The following PLCE1 variants were observed in gnomAD, a reference collection of about 807,000 sequenced individuals.
PLCE1 encodes the protein 1-phosphatidylinositol 4,5-bisphosphate phosphodiesterase epsilon-1.
Under a neutral mutation model 242.8 loss-of-function variants are expected in PLCE1, and 119 were observed. The ratio of observed to expected loss-of-function variants is 0.49; its 90% confidence interval spans 0.42 to 0.57. The LOEUF is 0.57. PLCE1 is among the 20% of genes least tolerant of loss of function. The pLI, the probability that PLCE1 is intolerant of heterozygous loss-of-function variation, is 0.00. For missense variants in PLCE1, 2,441 were observed against 2,788.8 expected (o/e 0.88, Z 2.81); for synonymous variants, 945 against 1,017.4 (o/e 0.93, Z 1.35).
intron 4 of PLCE1, among the ~76,000 whole-genome samples, chr10:94,208,857 G>T (rs905599578): frequency 6.6e-6 from 1 of 152,186 alleles, no homozygotes; most frequent in Non-Finnish European, 1.5e-5. Flanking sequence ...CTCATTGCAC[G>T]TGGGCCTCAA....
intron 1 of PLCE1, among the ~76,000 whole-genome samples, chr10:94,027,059 G>A (rs1472382354): frequency 6.6e-6 from 1 of 152,126 alleles, no homozygotes; most frequent in African/African-American, 2.4e-5. Context: ...AGACCCCAAT[G>A]TCTGACTGTT....
intron 1 of PLCE1, among the ~76,000 whole-genome samples, chr10:94,013,487 A>C (rs1445375178): frequency 6.6e-6 from 1 of 152,206 alleles, no homozygotes; most frequent in African/African-American, 2.4e-5. Flanking sequence ...CCTACAAATC[A>C]CCTTGTGAGG....
At chr10:94,156,482 A>G (rs951025427) in intron 3 of PLCE1, among the ~76,000 whole-genome samples, 2 of 152,200 alleles carry the variant, frequency 1.3e-5, no homozygotes, top group Non-Finnish European at 2.9e-5. Flanking sequence ...AAAGGATGCA[A>G]ATGAACAGCC....
intron 26 of PLCE1, among the ~76,000 whole-genome samples, chr10:94,307,772 A>G (rs2053250830): frequency 6.6e-6 from 1 of 152,188 alleles, no homozygotes; most frequent in Non-Finnish European, 1.5e-5. Flanking sequence ...ACCTCTTTAA[A>G]GACCCTCTCT....
intron 3 of PLCE1, among the ~76,000 whole-genome samples, chr10:94,154,440 AG>A (rs1401643096): frequency 3.3e-5 from 5 of 152,232 alleles, no homozygotes; most frequent in African/African-American, 7.2e-5. Context: ...CCAAAGGTAC[AG>A]GTAACAAACA....
chr10:94,200,186 C>T (rs2048949952), intron 4 of PLCE1, among the ~76,000 whole-genome samples: 1 of 152,154 alleles, frequency 6.6e-6, no homozygotes, highest in Non-Finnish European at 1.5e-5. Context: ...AACTGACATC[C>T]CAGTAGCAAC....
In PLCE1 at chr10:94,279,842, C is replaced by T. The variant is rs765834047; in HGVS notation, c.4726C>T (p.Pro1576Ser). Residue 1576 changes from proline to serine, a missense_variant, in exon 20 of 33, where the codon CCT (proline) becomes TCT (serine). Pro to Ser is a moderately conservative substitution (Grantham distance 74). This residue lies in a region of PLCE1 where 1,004 missense variants were observed against 1,322.7 expected (regional missense o/e 0.76). Transcript: ENST00000371380. ...TAATGGTGGGAATGCCAACCCCCGA[C>T]CTGCCAATAATGAGGAAGAGGAAGA... ...AYNGGNANPR[P>S]ANNEEEEDEE... 3.1e-6 allele frequency: 5 copies of T among 1,613,138 alleles called. No homozygotes were observed.
chr10:94,147,480 A>G (rs113813102), intron 3 of PLCE1, among the ~76,000 whole-genome samples: 1 of 24,430 alleles, frequency 4.1e-5, no homozygotes, highest in African/African-American at 6.8e-5. Flanking sequence ...GAGAGGAGAG[A>G]AAGGAAGAAA....
chr10:94,008,085 G>T (rs142328600), intron 1 of PLCE1, among the ~76,000 whole-genome samples: 1 of 150,804 alleles, frequency 6.6e-6, no homozygotes, highest in Non-Finnish European at 1.5e-5. Flanking sequence ...CTACCTACAC[G>T]AGAGGCTGAG....
chr10:94,106,770 C>G (rs190000207), intron 2 of PLCE1, among the ~76,000 whole-genome samples: 1 of 152,146 alleles, frequency 6.6e-6, no homozygotes, highest in African/African-American at 2.4e-5. Flanking sequence ...TTCCAGTCCT[C>G]TCCTCTCTGG....
intron 1 of PLCE1, among the ~76,000 whole-genome samples, chr10:94,023,518 C>A (rs2061409085): frequency 1.3e-5 from 2 of 152,136 alleles, no homozygotes; most frequent in Non-Finnish European, 2.9e-5. Context: ...CTATCCACTT[C>A]CACTCTTGGC....
At chr10:94,028,422 G>C (rs1435771193) in intron 1 of PLCE1, among the ~76,000 whole-genome samples, 2 of 152,158 alleles carry the variant, frequency 1.3e-5, no homozygotes, top group East Asian at 3.9e-4. Flanking sequence ...GCATGCGAGA[G>C]AGGAGTAGCA....
chr10:94,060,733 C>G (rs2044031073), intron 2 of PLCE1, among the ~76,000 whole-genome samples: 1 of 150,048 alleles, frequency 6.7e-6, no homozygotes, highest in Non-Finnish European at 1.5e-5. Context: ...CACTCTGTCA[C>G]TCAGGCTAGA....
At chr10:94,231,176 C>A (rs1319919224) in intron 5 of PLCE1, among the ~76,000 whole-genome samples, 1 of 152,128 alleles carries the variant, frequency 6.6e-6, no homozygotes, top group East Asian at 1.9e-4. Context: ...AAAATAGTTT[C>A]AATTCTCAAT....
chr10:94,139,143 G>C (rs2046878198), intron 3 of PLCE1: 1 of 152,546 alleles, frequency 6.6e-6, no homozygotes, highest in African/African-American at 2.4e-5. Context: ...AGTTAGCTGG[G>C]CATAGTGGCA....
chr10:94,159,864 C>T (rs1017611847), intron 3 of PLCE1, among the ~76,000 whole-genome samples: 12 of 151,950 alleles, frequency 7.9e-5, no homozygotes, highest in Non-Finnish European at 1.5e-4. Context: ...TGAGAACGTG[C>T]GGTGTTTGGT....
chr10:94,238,123 G>C (rs1225351724), intron 7 of PLCE1, among the ~76,000 whole-genome samples: 2 of 152,184 alleles, frequency 1.3e-5, no homozygotes, highest in Non-Finnish European at 2.9e-5. Context: ...ATTATAAAAA[G>C]TTCAAGATTT....
intron 1 of PLCE1, among the ~76,000 whole-genome samples, chr10:94,028,577 G>A (rs868578377): frequency 3.2e-4 from 48 of 152,098 alleles, no homozygotes; most frequent in African/African-American, 1.0e-3. Context: ...GTGAAGAGAG[G>A]AGTATCAAAG....
intron 3 of PLCE1, among the ~76,000 whole-genome samples, chr10:94,148,028 G>C (rs1459366604): frequency 2.6e-5 from 4 of 152,168 alleles, no homozygotes; most frequent in Non-Finnish European, 5.9e-5. Flanking sequence ...ATGACAGATA[G>C]ACCTAAGTCC....
Sources: gnomAD v4.1 joint callset for allele counts (sites outside exome capture counted in the v4.1 genomes callset) on GRCh38, gnomAD v4.1.1 for gene constraint, gnomAD v4.1.1 regional missense constraint, MANE v1.5 for transcripts, NCBI Gene and HGNC (gene_info 2026-07-23, HGNC 2026-07-21) for gene names.